Variants in GRIN2B observed in about 807,000 individuals in gnomAD.
GRIN2B encodes the protein glutamate receptor ionotropic, NMDA 2B.
A neutral mutation model predicts 114.5 loss-of-function variants in GRIN2B; 5 were observed. The observed-to-expected ratio is 0.04, with a 90% CI of 0.02 to 0.09. GRIN2B has a LOEUF of 0.09. Among genes scored for constraint, GRIN2B ranks in the 10% least tolerant of loss-of-function variants. GRIN2B has a pLI of 1.00. For missense variants in GRIN2B, 1,108 were observed against 1,943.5 expected (o/e 0.57, Z 8.08); for synonymous variants, 787 against 745.1 (o/e 1.06, Z -0.92).
intron 4 of GRIN2B, among the ~76,000 whole-genome samples, chr12:13,738,254 T>C (rs1863219418): frequency 6.6e-6 from 1 of 152,248 alleles, no homozygotes; most frequent in Non-Finnish European, 1.5e-5. Flanking sequence ...CATCACTTTC[T>C]AGTGCTAATA....
At chr12:13,673,358 G>C (rs1209668201) in intron 5 of GRIN2B, among the ~76,000 whole-genome samples, 2 of 152,066 alleles carry the variant, frequency 1.3e-5, no homozygotes, top group African/African-American at 4.8e-5. Context: ...GGAGAATAAA[G>C]GCTTGGAAGG....
At chr12:13,895,581 C>T (rs1383099047) in intron 2 of GRIN2B, among the ~76,000 whole-genome samples, 1 of 152,110 alleles carries the variant, frequency 6.6e-6, no homozygotes, top group Admixed American at 6.5e-5. Context: ...CTAAGAATTT[C>T]AGAAGTTCTT....
chr12:13,969,866 A>T (rs543291507), intron 2 of GRIN2B, among the ~76,000 whole-genome samples: 30 of 152,344 alleles, frequency 2.0e-4, no homozygotes, highest in African/African-American at 7.0e-4. Context: ...TTGAGAAGGT[A>T]ACCATGATCC....
chr12:13,886,994 T>G (rs941674356), intron 2 of GRIN2B, among the ~76,000 whole-genome samples: 1 of 152,150 alleles, frequency 6.6e-6, no homozygotes. Flanking sequence ...TACAGAAAAT[T>G]CAAGTAACTA....
intron 3 of GRIN2B, among the ~76,000 whole-genome samples, chr12:13,823,470 G>A (rs1189062124): frequency 6.6e-6 from 1 of 151,918 alleles, no homozygotes; most frequent in African/African-American, 2.4e-5. Context: ...TAATTCTCCA[G>A]TAGTATATAA....
intron 2 of GRIN2B, among the ~76,000 whole-genome samples, chr12:13,908,561 A>C (rs957674558): frequency 6.6e-6 from 1 of 152,222 alleles, no homozygotes; most frequent in African/African-American, 2.4e-5. Flanking sequence ...ATCTCAGAGC[A>C]AAATTCTTAA....
intron 3 of GRIN2B, among the ~76,000 whole-genome samples, chr12:13,864,862 C>A (rs1267804619): frequency 1.3e-5 from 2 of 152,072 alleles, no homozygotes; most frequent in South Asian, 2.1e-4. Context: ...GAAGCCCAGG[C>A]CAATAATCAG....
intron 4 of GRIN2B, among the ~76,000 whole-genome samples, chr12:13,706,302 A>G (rs1950359586): frequency 6.6e-6 from 1 of 152,184 alleles, no homozygotes; most frequent in Non-Finnish European, 1.5e-5. Flanking sequence ...CTGAATAGAC[A>G]TAAGAAATGC....
intron 5 of GRIN2B, among the ~76,000 whole-genome samples, chr12:13,652,353 T>C (rs1364818662): frequency 5.3e-5 from 8 of 151,854 alleles, no homozygotes; most frequent in African/African-American, 1.9e-4. Context: ...TGAAGTGTGT[T>C]GGTTAGTTTG....
intron 4 of GRIN2B, among the ~76,000 whole-genome samples, chr12:13,689,904 CAG>C (rs1228152934): frequency 6.6e-6 from 1 of 152,108 alleles, no homozygotes; most frequent in African/African-American, 2.4e-5. Context: ...CTTATGGACT[CAG>C]ATCAAATCTT....
intron 5 of GRIN2B, among the ~76,000 whole-genome samples, chr12:13,642,606 GAAGTAA>G (rs1282588298): frequency 1.3e-5 from 2 of 152,144 alleles, no homozygotes; most frequent in African/African-American, 4.8e-5. Flanking sequence ...ACACATTTAA[GAAGTAA>G]AAGTTAGACT....
At chr12:13,712,899 T>G (rs921014133) in intron 4 of GRIN2B, among the ~76,000 whole-genome samples, 1 of 151,926 alleles carries the variant, frequency 6.6e-6, no homozygotes, top group Non-Finnish European at 1.5e-5. Context: ...ATATTCAGAA[T>G]ATGTGACAGT....
At chr12:13,757,022 C>T (rs2136632527) in intron 3 of GRIN2B, among the ~76,000 whole-genome samples, 1 of 152,312 alleles carries the variant, frequency 6.6e-6, no homozygotes, top group East Asian at 1.9e-4. Context: ...TCCCCAACTA[C>T]ATCCTTACCG....
intron 10 of GRIN2B, among the ~76,000 whole-genome samples, chr12:13,597,442 C>A (rs574128833): frequency 3.3e-5 from 5 of 152,346 alleles, no homozygotes; most frequent in Non-Finnish European, 5.9e-5. Context: ...CTCCTCCTTC[C>A]ACCAAGTCTC....
At chr12:13,789,540 GT>G (rs965038397) in intron 3 of GRIN2B, among the ~76,000 whole-genome samples, 16 of 151,388 alleles carry the variant, frequency 1.1e-4, no homozygotes, top group African/African-American at 1.9e-4. Context: ...TCCAAGATCA[GT>G]TTTTTTTTAG....
At chr12:13,748,463 G>C (rs547273269) in intron 4 of GRIN2B, among the ~76,000 whole-genome samples, 54 of 152,324 alleles carry the variant, frequency 3.5e-4, no homozygotes, top group Non-Finnish European at 6.2e-4. Context: ...GTAGACGGGT[G>C]CCTCCTAATA....
chr12:13,929,446 C>G (rs917317704), intron 2 of GRIN2B, among the ~76,000 whole-genome samples: 14 of 152,218 alleles, frequency 9.2e-5, no homozygotes, highest in Non-Finnish European at 1.6e-4. Context: ...AATAATAACC[C>G]TAACAACATA....
intron 5 of GRIN2B, among the ~76,000 whole-genome samples, chr12:13,621,901 A>G (rs1315295683): frequency 6.6e-6 from 1 of 152,072 alleles, no homozygotes; most frequent in Non-Finnish European, 1.5e-5. Context: ...GCACCCTGAC[A>G]AGGCCACACA....
At position 13,554,522 on chromosome 12, in the gene GRIN2B, T is replaced by A. The variant is rs1948455139; in HGVS notation, c.*8261A>T. On this transcript the variant is annotated 3_prime_UTR_variant, in exon 14 of 14. Coordinates refer to ENST00000609686, the MANE Select transcript of GRIN2B (RefSeq NM_000834.5). Reference sequence around the variant, plus strand: ...AAAGGTGAAACAAATGTTATTCAGCTTGTCTGGATTATGGGACACACACAT... The same window carrying A: ...AAAGGTGAAACAAATGTTATTCAGCATGTCTGGATTATGGGACACACACAT... The A allele has an allele frequency of 6.6e-6, 1 of 152,146 alleles. No individual in the cohort carries two copies. The highest frequency in any genetic ancestry group is 1.5e-5 in the Non-Finnish European group (1 of 68,012). 9.4% of individuals were successfully genotyped at this position (152,146 alleles called of 1,614,324 possible).
Sources: allele counts gnomAD v4.1 joint callset (sites outside exome capture counted in the v4.1 genomes callset), GRCh38; gene constraint gnomAD v4.1.1; transcripts MANE v1.5; gene names NCBI Gene and HGNC (gene_info 2026-07-23, HGNC 2026-07-21).